Variants in ORMDL1 observed in about 807,000 individuals in gnomAD.
ORMDL1 encodes the protein ORMDL sphingolipid biosynthesis regulator 1.
In ORMDL1, 10 loss-of-function variants were observed where a neutral mutation model predicts 13.0. The ratio of observed to expected loss-of-function variants is 0.77; its 90% CI spans 0.47 to 1.30. ORMDL1 has a LOEUF of 1.30. Among genes scored for constraint, ORMDL1 ranks in the 50% most tolerant of loss-of-function variants. The probability of loss-of-function intolerance (pLI) is 0.00; values close to 1 mark genes in which losing one functional copy is unlikely to be tolerated. For missense variants in ORMDL1, 171 were observed against 186.7 expected, an observed-to-expected ratio of 0.92 and a Z score of 0.49; for synonymous variants, 61 against 63.9, an observed-to-expected ratio of 0.95 and a Z score of 0.22.
intron 1 of ORMDL1, among the ~76,000 whole-genome samples, chr2:189,783,726 T>C (rs899644012): frequency 2.6e-5 from 4 of 152,258 alleles, no homozygotes; most frequent in African/African-American, 9.6e-5. Context: ...ACACTCAAGA[T>C]AGTTTTCCCA....
chr2:189,765,349 C>G (rs1339009726), downstream of ORMDL1: 1 of 152,170 alleles, frequency 6.6e-6, no homozygotes, highest in Non-Finnish European at 1.5e-5. Flanking sequence ...AAACTGCATT[C>G]AGAGAGGGGT....
At chr2:189,766,632 G>A (rs1375077682), downstream of ORMDL1, among the ~76,000 whole-genome samples, 2 of 152,094 alleles carry the variant, frequency 1.3e-5, no homozygotes, top group Non-Finnish European at 2.9e-5. Flanking sequence ...GCTGAGGCAT[G>A]AGAATCACTT....
chr2:189,774,322 C>T (rs2047646535), intron 4 of ORMDL1, among the ~76,000 whole-genome samples: 1 of 152,174 alleles, frequency 6.6e-6, no homozygotes, highest in Non-Finnish European at 1.5e-5. Context: ...TACACTGACA[C>T]TTTTCTTTGA....
At chr2:189,776,706 A>T (rs1683620659) in intron 3 of ORMDL1, among the ~76,000 whole-genome samples, 1 of 152,184 alleles carries the variant, frequency 6.6e-6, no homozygotes, top group Non-Finnish European at 1.5e-5. Context: ...TTATTCCAGT[A>T]GGCAATTCAG....
chr2:189,776,395 A>AT (rs140228074), intron 3 of ORMDL1, among the ~76,000 whole-genome samples: 2 of 152,068 alleles, frequency 1.3e-5, no homozygotes, highest in South Asian at 4.2e-4. Flanking sequence ...TAAACATATA[A>AT]TTTTTTTTAT....
chr2:189,767,679 C>G (rs749156667), downstream of ORMDL1, among the ~76,000 whole-genome samples: 14 of 152,136 alleles, frequency 9.2e-5, no homozygotes, highest in Non-Finnish European at 1.5e-4. Flanking sequence ...AGTGAACGGA[C>G]ACTGTGATAA....
chr2:189,779,657 G>T (rs1574969114), intron 3 of ORMDL1, among the ~76,000 whole-genome samples: 1 of 152,162 alleles, frequency 6.6e-6, no homozygotes, highest in East Asian at 1.9e-4. Flanking sequence ...CTTAGAGTAT[G>T]ACTTGAGCAA....
intron 2 of ORMDL1, 85 bp downstream of exon 2, chr2:189,782,929 T>G (rs2047905869): frequency 4.9e-6 from 1 of 204,684 alleles, no homozygotes; most frequent in East Asian, 1.1e-4. Flanking sequence ...CTACATTTTC[T>G]TATATCATGA....
At chr2:189,766,601 G>C (rs922572077), downstream of ORMDL1, among the ~76,000 whole-genome samples, 2 of 152,154 alleles carry the variant, frequency 1.3e-5, no homozygotes, top group African/African-American at 2.4e-5. Context: ...ATGAATGCCT[G>C]TAATCCCAGC....
rs570682732 is a variant in ORMDL1 at position 189,770,627 on chromosome 2, T to C, written c.*1140A>G. 6.6e-6 allele frequency: 1 copy of C among 152,328 alleles called. No homozygotes were observed. Among genetic ancestry groups the C allele is most frequent in the South Asian group, 2.1e-4 (1 of 4,834 alleles). 9.4% of individuals were successfully genotyped at this position (152,328 alleles called of 1,614,324 possible). ...TACTTCTCAAAGTAGTATATAGTTA[T>C]TTCTTGCAATTAATGTCAGCAACTA... On this transcript the variant is annotated 3_prime_UTR_variant, in exon 5 of 5. Coordinates refer to ENST00000392349, the MANE Select transcript of ORMDL1 (RefSeq NM_016467.5).
intron 1 of ORMDL1, chr2:189,783,457 A>AT (rs1364452203): frequency 6.6e-6 from 1 of 152,200 alleles, no homozygotes; most frequent in Non-Finnish European, 1.5e-5. Context: ...AACAGCTGTG[A>AT]TTTTAAAATA....
At chr2:189,772,160 T>C (rs1287779661) in intron 4 of ORMDL1, among the ~76,000 whole-genome samples, 2 of 152,190 alleles carry the variant, frequency 1.3e-5, no homozygotes, top group Non-Finnish European at 2.9e-5. Context: ...CACTGCATCC[T>C]TTAAAGCAAG....
rs893514756 is a variant in ORMDL1, at chr2:189,770,361, T to C, written c.*1406A>G. 6.6e-6 allele frequency: 1 copy of C among 152,160 alleles called. No individual in the cohort carries two copies. The highest frequency in any genetic ancestry group is 2.4e-5 in the African/African-American group (1 of 41,434). The allele number at this position is 152,160 out of a possible 1,614,324, so 9.4% of individuals were successfully genotyped here. On this transcript the variant is annotated 3_prime_UTR_variant, in exon 5 of 5. Transcript: ENST00000392349. Reference sequence around the variant, plus strand: ...ACGAAAAATTTTATTAAATTATAGATCACCAGTTATTTAAAAATACACGGG... The same window carrying C: ...ACGAAAAATTTTATTAAATTATAGACCACCAGTTATTTAAAAATACACGGG...
downstream of ORMDL1, among the ~76,000 whole-genome samples, chr2:189,767,244 T>G (rs1261775116): frequency 6.6e-6 from 1 of 152,228 alleles, no homozygotes; most frequent in African/African-American, 2.4e-5. Context: ...CGAGTCTCTG[T>G]TATTCCCACA....
rs2106139350 is a variant in ORMDL1, at chr2:189,771,597, C to A, written c.*170G>T. The A allele has an allele frequency of 7.3e-6, 4 of 546,700 alleles. No individual in the cohort carries two copies. In the East Asian group the frequency reaches 1.3e-4, roughly 18 times the overall value. The allele number at this position is 546,700 out of a possible 1,614,324, so 33.9% of individuals were successfully genotyped here. A position where few individuals can be genotyped will look rare whatever the true frequency, so the allele number is the denominator to read the frequency against. ...TACCAGGTGTATTAAACAGAGGCAT[C>A]ATTTAATGGAAATCTGCACTTCAAA... On this transcript the variant is annotated 3_prime_UTR_variant, in exon 5 of 5. Transcript: ENST00000392349.
chr2:189,775,708 G>C lies in ORMDL1; in HGVS notation c.183C>G (p.Tyr61Ter). Residue 61 changes from tyrosine (Y) to a stop codon, truncating the protein, a stop_gained, in exon 4 of 5, where the codon TAC becomes TAG. Coordinates refer to ENST00000392349, the MANE Select transcript of ORMDL1 (RefSeq NM_016467.5). LOFTEE classifies it high-confidence loss of function. ...TTCCTTTCACTGCATGCAAAAATAC[G>C]TACATCCCCTGGAAAACAAGCAAGG... ...LTNIIHNLGM[Y>*]VFLHAVKGTP... 1 of 1,611,790 alleles carries C rather than the reference G, an allele frequency of 6.2e-7. No individual in the cohort carries two copies. Among genetic ancestry groups the C allele is most frequent in the Middle Eastern group, 1.7e-4 (1 of 6,052 alleles).
At chr2:189,767,061 A>G (rs2047494401), downstream of ORMDL1, among the ~76,000 whole-genome samples, 2 of 152,238 alleles carry the variant, frequency 1.3e-5, no homozygotes, top group South Asian at 4.1e-4. Flanking sequence ...TGCTGCTGTG[A>G]ACATAGATGT....
chr2:189,784,190 AG>A (rs1336430220), intron 1 of ORMDL1, 78 bp downstream of exon 1: 2 of 152,330 alleles, frequency 1.3e-5, no homozygotes, highest in African/African-American at 4.8e-5. Context: ...TTTCCCTCTC[AG>A]GACGACCCCT....
Position 189,771,912 on chromosome 2 carries a change from TA to T in ORMDL1, c.327-11del. 1 of 1,558,708 alleles carries T rather than the reference TA, an allele frequency of 6.4e-7. No homozygotes were observed. The highest frequency in any genetic ancestry group is 8.7e-7 in the Non-Finnish European group (1 of 1,147,194). On this transcript the variant is annotated splice_polypyrimidine_tract_variant and intron_variant, in intron 4 of 4. Coordinates refer to ENST00000392349, the MANE Select transcript of ORMDL1 (RefSeq NM_016467.5). ...ACTTGCCAGAAAATATCTGTAGAGA[TA>T]AAAGTTAAGAATATATATAACATCC...
Sources: allele counts gnomAD v4.1 joint callset (sites outside exome capture counted in the v4.1 genomes callset), GRCh38; gene constraint gnomAD v4.1.1; transcripts MANE v1.5; gene names NCBI Gene and HGNC (gene_info 2026-07-23, HGNC 2026-07-21).